HAS3: variants seen among roughly 807,000 people sequenced by gnomAD.
The protein encoded by HAS3 is hyaluronan synthase 3.
A neutral mutation model predicts 50.3 loss-of-function variants in HAS3; 27 were observed. That is an observed-to-expected ratio of 0.54 (90% CI 0.40 to 0.74). The LOEUF is 0.74. HAS3 is among the 30% of genes least tolerant of loss of function. The pLI is 0.00. For synonymous variants in HAS3, 339 were observed against 310.9 expected, an observed-to-expected ratio of 1.09 and a Z score of -0.95; for missense variants, 517 against 742.8, an observed-to-expected ratio of 0.70 and a Z score of 3.53.
Position 69,107,931 on chromosome 16 carries a change from C to T in HAS3, c.1-1465C>T, listed in dbSNP as rs1355907163. 6.6e-6 allele frequency among the ~76,000 whole-genome samples: 1 copy of T among 152,242 alleles called. No homozygotes were observed. Among genetic ancestry groups the T allele is most frequent in the Admixed American group, 6.5e-5 (1 of 15,290 alleles). Reference sequence around the variant, plus strand: ...AACGCTGCTGGAAGGCTGCTAGTGCCGGAGTCTCAGGTCGATTTAGGCAGT... The same window carrying T: ...AACGCTGCTGGAAGGCTGCTAGTGCTGGAGTCTCAGGTCGATTTAGGCAGT... On this transcript the variant is annotated intron_variant, in intron 1 of 3. Transcript: ENST00000569188. This position sits in a 1 kb window ranked among gnomAD's most constrained non-coding sequence, Gnocchi z 5.5.
At chr16:69,097,330 C>A in the HAS3 span, among the ~76,000 whole-genome samples, 5 of 151,832 alleles carry the variant, frequency 3.3e-5, no homozygotes, top group South Asian at 1.0e-3. Context: ...CAAAAGTTAG[C>A]CAGGGATGGT....
chr16:69,111,176 T>TTA (rs1427488974), intron 2 of HAS3, among the ~76,000 whole-genome samples: 7 of 139,728 alleles, frequency 5.0e-5, no homozygotes, highest in Non-Finnish European at 7.7e-5. Flanking sequence ...TTTTTTTTTT[T>TTA]TTTTTTTTTT....
At chr16:69,088,836 C>T in the HAS3 span, among the ~76,000 whole-genome samples, 2 of 152,028 alleles carry the variant, frequency 1.3e-5, no homozygotes, top group African/African-American at 2.4e-5. Flanking sequence ...GTAAGAGGAT[C>T]GCTTGTGTCC....
the HAS3 span, among the ~76,000 whole-genome samples, chr16:69,085,969 G>A: frequency 7.2e-6 from 1 of 139,796 alleles, no homozygotes; most frequent in African/African-American, 2.7e-5. Context: ...TGGGCTCAAG[G>A]AATTCTCCCA....
the HAS3 span, among the ~76,000 whole-genome samples, chr16:69,094,557 C>T: frequency 3.3e-5 from 5 of 152,102 alleles, no homozygotes; most frequent in Admixed American, 6.6e-5. Flanking sequence ...AAGACCAGGG[C>T]GGTGTGATAG....
rs902653916 is a variant in HAS3, at chr16:69,116,279, A to G, written c.*1013A>G. 2 of 985,728 alleles carry G rather than the reference A, an allele frequency of 2.0e-6. No homozygotes were observed. Among genetic ancestry groups the G allele is most frequent in the Non-Finnish European group, 2.4e-6 (2 of 829,918 alleles). 61.1% of individuals were successfully genotyped at this position (985,728 alleles called of 1,614,324 possible). A position where few individuals can be genotyped will look rare whatever the true frequency, so the allele number is the denominator to read the frequency against. On this transcript the variant is annotated 3_prime_UTR_variant, in exon 4 of 4. Transcript: ENST00000569188. ...TCATAGGTAAGGTTTTCAAGGTGGCAATTGGGGCGGAGCCCCGGCTCTTAT... is the reference window on the plus strand; with the variant it reads ...TCATAGGTAAGGTTTTCAAGGTGGCGATTGGGGCGGAGCCCCGGCTCTTAT...
rs1961164286 is a variant in HAS3, at chr16:69,115,942, G to A, written c.*676G>A. 1.0e-6 allele frequency: 1 copy of A among 985,720 alleles called. No homozygotes were observed. Among genetic ancestry groups the A allele is most frequent in the African/African-American group, 1.7e-5 (1 of 57,230 alleles). The allele number at this position is 985,720 out of a possible 1,614,324, so 61.1% of individuals were successfully genotyped here. ...GCACATTAAAAAGGAAAGTTTGCCA[G>A]GAGGAACAAAGAGATTGTGGTGGTG... On this transcript the variant is annotated 3_prime_UTR_variant, in exon 4 of 4. Transcript: ENST00000569188.
In HAS3 at chr16:69,114,844, C is replaced by T; in HGVS notation, c.1240C>T (p.Leu414=). 6.2e-7 allele frequency: 1 copy of T among 1,614,124 alleles called. No homozygotes were observed. Among genetic ancestry groups the T allele is most frequent in the Non-Finnish European group, 8.5e-7 (1 of 1,180,024 alleles). The part of the protein sequence containing the change: ...GRIWNILLFL[L]TVQLVGIIKA... Reference sequence around the variant, plus strand: ...CATCTGGAACATTCTCCTCTTCCTGCTGACGGTGCAGCTGGTGGGCATTAT... The same window carrying T: ...CATCTGGAACATTCTCCTCTTCCTGTTGACGGTGCAGCTGGTGGGCATTAT... Residue 414 remains leucine (L), a synonymous_variant, in exon 4 of 4, where the codon CTG becomes TTG. Transcript: ENST00000569188. This position sits in a 1 kb window ranked among gnomAD's most constrained non-coding sequence, Gnocchi z 6.4.
the HAS3 span, among the ~76,000 whole-genome samples, chr16:69,090,661 G>A: frequency 5.9e-5 from 9 of 152,064 alleles, no homozygotes; most frequent in East Asian, 1.9e-4. Flanking sequence ...TCTACCTCCC[G>A]GGTTCAAGCA....
At chr16:69,091,120 A>C in the HAS3 span, among the ~76,000 whole-genome samples, 1 of 151,770 alleles carries the variant, frequency 6.6e-6, no homozygotes, top group Admixed American at 6.6e-5. Flanking sequence ...TCTCACCTCA[A>C]CTCCTGCCCA....
chr16:69,104,992 GTT>G (rs565397720), upstream of HAS3, among the ~76,000 whole-genome samples: 351 of 81,854 alleles, frequency 4.3e-3, no homozygotes, highest in African/African-American at 0.015. Flanking sequence ...CTGTTTTTTG[GTT>G]TTTTTTTTTT....
the HAS3 span, among the ~76,000 whole-genome samples, chr16:69,099,253 G>C: frequency 6.6e-6 from 1 of 152,038 alleles, no homozygotes; most frequent in Non-Finnish European, 1.5e-5. Context: ...TTACAGGCGT[G>C]AGCCACCGCG....
the HAS3 span, among the ~76,000 whole-genome samples, chr16:69,085,771 G>A: frequency 2.0e-5 from 3 of 147,660 alleles, no homozygotes; most frequent in African/African-American, 7.5e-5. Flanking sequence ...TAGAGACAGG[G>A]TTTCTCCATA....
At chr16:69,110,904 A>G (rs1027440044) in intron 2 of HAS3, among the ~76,000 whole-genome samples, 2 of 152,120 alleles carry the variant, frequency 1.3e-5, no homozygotes, top group African/African-American at 4.8e-5. Context: ...CCTAGTGTCA[A>G]AGTCATGTCT....
the HAS3 span, among the ~76,000 whole-genome samples, chr16:69,087,063 C>G: frequency 6.6e-6 from 1 of 152,182 alleles, no homozygotes; most frequent in Non-Finnish European, 1.5e-5. Flanking sequence ...CTTCTGCTGC[C>G]GCCTCCACCT....
At chr16:69,118,323 G>A (rs779739536), downstream of HAS3, 96 of 1,324,190 alleles carry the variant, frequency 7.2e-5, no homozygotes, top group Non-Finnish European at 9.9e-5. Context: ...TTTCTTTGAA[G>A]TGGTTGTCCA....
chr16:69,105,394 ACTATCTTTTAGGGAC>A (rs1960764132), upstream of HAS3, among the ~76,000 whole-genome samples: 1 of 151,730 alleles, frequency 6.6e-6, no homozygotes, highest in African/African-American at 2.4e-5. Context: ...CGAGTCTAGC[ACTATCTTTTAGGGAC>A]CTGAAAACTA....
At chr16:69,090,217 C>T in the HAS3 span, among the ~76,000 whole-genome samples, 7 of 152,166 alleles carry the variant, frequency 4.6e-5, no homozygotes, top group Admixed American at 3.3e-4. Context: ...ACCAAGAAGG[C>T]GTTTGTGCTC....
chr16:69,118,488 GACT>G (rs1961341077), downstream of HAS3: 1 of 1,352,990 alleles, frequency 7.4e-7, no homozygotes. Flanking sequence ...GTGAGCAGGG[GACT>G]ACATGTGAAC....
Sources: allele counts gnomAD v4.1 joint callset (sites outside exome capture counted in the v4.1 genomes callset), GRCh38; gene constraint gnomAD v4.1.1; non-coding constraint Gnocchi (gnomAD v3.1); transcripts MANE v1.5; gene names NCBI Gene and HGNC (gene_info 2026-07-23, HGNC 2026-07-21).